Variants in ADIPOR2 observed in about 807,000 individuals in gnomAD.
ADIPOR2 encodes the protein adiponectin receptor protein 2.
In ADIPOR2, 18 loss-of-function variants were observed where a neutral mutation model predicts 40.9. The ratio of observed to expected loss-of-function variants is 0.44; its 90% confidence interval spans 0.30 to 0.65. The LOEUF is 0.65. Among genes scored for constraint, ADIPOR2 ranks in the 30% least tolerant of loss-of-function variants. The pLI, the probability that ADIPOR2 is intolerant of heterozygous loss-of-function variation, is 0.09. For synonymous variants in ADIPOR2, 165 were observed against 166.4 expected (o/e 0.99, Z 0.06); for missense variants, 283 against 479.2 (o/e 0.59, Z 3.82).
intron 1 of ADIPOR2, among the ~76,000 whole-genome samples, chr12:1,748,974 A>G (rs1322784148): frequency 6.6e-6 from 1 of 152,156 alleles, no homozygotes; most frequent in Non-Finnish European, 1.5e-5. Flanking sequence ...ACCAGTCATA[A>G]GTCGGGGCCT....
At chr12:1,702,584 T>G (rs2094652631) in intron 1 of ADIPOR2, among the ~76,000 whole-genome samples, 1 of 151,710 alleles carries the variant, frequency 6.6e-6, no homozygotes, top group South Asian at 2.1e-4. Flanking sequence ...ATTCAAGTGT[T>G]TGTTTCTTGA....
intron 1 of ADIPOR2, among the ~76,000 whole-genome samples, chr12:1,743,811 A>G (rs1386271244): frequency 6.6e-6 from 1 of 152,200 alleles, no homozygotes; most frequent in Non-Finnish European, 1.5e-5. Flanking sequence ...CTTGCATTTG[A>G]TGAATAGGCT....
chr12:1,739,556 G>GTT (rs2094738209), intron 1 of ADIPOR2, among the ~76,000 whole-genome samples: 1 of 152,200 alleles, frequency 6.6e-6, no homozygotes, highest in South Asian at 2.1e-4. Flanking sequence ...AAATCTCAGT[G>GTT]TTAATAAAGT....
At chr12:1,729,027 A>G (rs958313810) in intron 1 of ADIPOR2, among the ~76,000 whole-genome samples, 5 of 137,438 alleles carry the variant, frequency 3.6e-5, no homozygotes. Context: ...GTTCATTGTT[A>G]ATACTTTGGT....
At chr12:1,706,246 TG>T (rs1239872327) in intron 1 of ADIPOR2, among the ~76,000 whole-genome samples, 1 of 152,216 alleles carries the variant, frequency 6.6e-6, no homozygotes, top group Non-Finnish European at 1.5e-5. Flanking sequence ...ATGTTACCTA[TG>T]TAACAGCAGA....
intron 1 of ADIPOR2, among the ~76,000 whole-genome samples, chr12:1,720,202 T>C (rs542871460): frequency 1.3e-5 from 2 of 152,274 alleles, no homozygotes; most frequent in East Asian, 1.9e-4. Context: ...CCCTGACTTA[T>C]TTTTGATGTG....
Position 1,786,107 on chromosome 12 carries a change from C to T in ADIPOR2, c.*35C>T. On this transcript the variant is annotated 3_prime_UTR_variant, in exon 8 of 8. Transcript: ENST00000357103. ...GTCTCCAGGGACTATGACCCTAAAC[C>T]AGGGCCTGCGGCACTTGCGGGCCTC... is the stretch of plus-strand genomic sequence containing the variant. 6.2e-7 allele frequency: 1 copy of T among 1,601,144 alleles called. No individual in the cohort carries two copies. Among genetic ancestry groups the T allele is most frequent in the Non-Finnish European group, 8.5e-7 (1 of 1,174,436 alleles).
chr12:1,695,011 GTTTTT>G (rs199627849), intron 1 of ADIPOR2, among the ~76,000 whole-genome samples: 1 of 128,312 alleles, frequency 7.8e-6, no homozygotes, highest in Non-Finnish European at 1.6e-5. Flanking sequence ...TTGTGTTGCA[GTTTTT>G]TTTTTTTTTT....
chr12:1,702,979 C>T (rs1345217611), intron 1 of ADIPOR2: 1 of 152,148 alleles, frequency 6.6e-6, no homozygotes, highest in East Asian at 1.9e-4. Context: ...TCAAAACTTC[C>T]TGGGTTAGTA....
chr12:1,716,276 A>G (rs535665666), intron 1 of ADIPOR2, among the ~76,000 whole-genome samples: 1 of 152,366 alleles, frequency 6.6e-6, no homozygotes, highest in East Asian at 1.9e-4. Flanking sequence ...GTCTATTAAA[A>G]ATGGGATGAA....
At chr12:1,708,189 T>TG (rs1375310330) in intron 1 of ADIPOR2, among the ~76,000 whole-genome samples, 2 of 151,582 alleles carry the variant, frequency 1.3e-5, no homozygotes, top group Non-Finnish European at 2.9e-5. Flanking sequence ...AATATGGGTT[T>TG]TTTTTTTTTT....
intron 1 of ADIPOR2, chr12:1,696,842 T>G (rs117759791): frequency 0.015 from 2,311 of 154,188 alleles, 23 homozygotes; most frequent in Middle Eastern, 0.053. Flanking sequence ...GGGACAGGTC[T>G]TGAGGAAGTT....
intron 1 of ADIPOR2, among the ~76,000 whole-genome samples, chr12:1,744,971 G>A (rs967288279): frequency 2.0e-5 from 3 of 152,074 alleles, no homozygotes; most frequent in African/African-American, 7.2e-5. Flanking sequence ...AAAGAAAAAT[G>A]GGTGCCCTTT....
intron 2 of ADIPOR2, among the ~76,000 whole-genome samples, chr12:1,759,692 T>C (rs558685666): frequency 6.6e-6 from 1 of 151,920 alleles, no homozygotes; most frequent in Non-Finnish European, 1.5e-5. Flanking sequence ...CCTGGGTATA[T>C]TTTTTTTGTT....
chr12:1,768,709 C>G (rs577380494), intron 2 of ADIPOR2, among the ~76,000 whole-genome samples: 4 of 152,084 alleles, frequency 2.6e-5, no homozygotes, highest in African/African-American at 7.2e-5. Context: ...AAAGTGTACT[C>G]TGGAAAATTC....
At chr12:1,778,742 AGT>A (rs1862651880) in intron 4 of ADIPOR2, 1 of 152,238 alleles carries the variant, frequency 6.6e-6, no homozygotes. Flanking sequence ...TTATCAAGAA[AGT>A]GAAAAGACAA....
intron 2 of ADIPOR2, among the ~76,000 whole-genome samples, chr12:1,761,798 C>G (rs985543623): frequency 1.4e-4 from 21 of 152,188 alleles, no homozygotes; most frequent in African/African-American, 5.1e-4. Context: ...TGGAATACAC[C>G]TGACAGGACT....
intron 2 of ADIPOR2, among the ~76,000 whole-genome samples, chr12:1,771,448 C>T (rs921569920): frequency 6.6e-6 from 1 of 150,570 alleles, no homozygotes; most frequent in Non-Finnish European, 1.5e-5. Flanking sequence ...GGTTGAGGAA[C>T]ACGAGTTTAG....
At chr12:1,728,431 A>G (rs1414645133) in intron 1 of ADIPOR2, among the ~76,000 whole-genome samples, 1 of 151,526 alleles carries the variant, frequency 6.6e-6, no homozygotes, top group Non-Finnish European at 1.5e-5. Context: ...TTAAAAAAAA[A>G]TGTTAACACG....
Sources: allele counts gnomAD v4.1 joint callset (sites outside exome capture counted in the v4.1 genomes callset), GRCh38; gene constraint gnomAD v4.1.1; transcripts MANE v1.5; gene names NCBI Gene and HGNC (gene_info 2026-07-23, HGNC 2026-07-21).